Variants in ATL2 observed in about 807,000 individuals in gnomAD.
ATL2 encodes the protein atlastin-2.
Under a neutral mutation model 73.9 loss-of-function variants are expected in ATL2, and 31 were observed. That is an observed-to-expected ratio of 0.42 (90% CI 0.32 to 0.57). The LOEUF is 0.57. ATL2 is among the 20% of genes least tolerant of loss of function. ATL2 has a pLI of 0.14. For missense variants in ATL2, 738 were observed against 702.6 expected, an observed-to-expected ratio of 1.05 and a Z score of -0.57; for synonymous variants, 291 against 237.5, an observed-to-expected ratio of 1.23 and a Z score of -2.07.
chr2:38,313,287 A>T, intron 6 of ATL2, 44 bp from the exon 7 acceptor site: 1 of 1,422,832 alleles, frequency 7.0e-7, no homozygotes, highest in Non-Finnish European at 9.6e-7. Context: ...ACAATAAAGA[A>T]AATTTACGAA....
chr2:38,351,306 T>C (rs984572687), intron 1 of ATL2, among the ~76,000 whole-genome samples: 3 of 152,146 alleles, frequency 2.0e-5, no homozygotes, highest in Non-Finnish European at 2.9e-5. Context: ...GGTTATACGA[T>C]GGTTAAATAT....
intron 1 of ATL2, among the ~76,000 whole-genome samples, chr2:38,348,681 TTAAAC>T (rs1250334650): frequency 6.7e-6 from 1 of 148,768 alleles, no homozygotes; most frequent in Non-Finnish European, 1.5e-5. Context: ...TGGTATCTAA[TTAAAC>T]TAAAGAGCTT....
At chr2:38,318,512 C>A in intron 4 of ATL2, 23 bp downstream of exon 4, 1 of 1,516,290 alleles carries the variant, frequency 6.6e-7, no homozygotes, top group East Asian at 2.3e-5. Context: ...GAACTGATCG[C>A]ACCACTTAAT....
At chr2:38,357,635 G>T (rs1343785828) in intron 1 of ATL2, among the ~76,000 whole-genome samples, 1 of 116,728 alleles carries the variant, frequency 8.6e-6, no homozygotes, top group Non-Finnish European at 1.6e-5. Flanking sequence ...CTGCGTGACA[G>T]AGCAAGACTC....
At chr2:38,303,742 T>C (rs1428208962) in intron 9 of ATL2, among the ~76,000 whole-genome samples, 3 of 152,044 alleles carry the variant, frequency 2.0e-5, no homozygotes, top group Non-Finnish European at 4.4e-5. Flanking sequence ...GATACCAATA[T>C]TTAAGAACAA....
intron 1 of ATL2, among the ~76,000 whole-genome samples, chr2:38,347,407 T>G (rs1335197462): frequency 1.3e-5 from 2 of 152,228 alleles, no homozygotes; most frequent in East Asian, 3.8e-4. Context: ...GAAATTCACA[T>G]GGCTTATGTC....
chr2:38,346,607 T>G (rs1670028742), intron 1 of ATL2, among the ~76,000 whole-genome samples: 1 of 152,208 alleles, frequency 6.6e-6, no homozygotes. Flanking sequence ...AGGCATTAGT[T>G]AGATTCTCAT....
At chr2:38,326,586 G>A (rs908905854) in intron 2 of ATL2, among the ~76,000 whole-genome samples, 3 of 152,160 alleles carry the variant, frequency 2.0e-5, no homozygotes, top group Admixed American at 6.5e-5. Flanking sequence ...ATATATTATA[G>A]CCTAGCTGCA....
intron 2 of ATL2, among the ~76,000 whole-genome samples, chr2:38,341,511 G>A (rs558309575): frequency 4.3e-4 from 65 of 152,134 alleles, no homozygotes; most frequent in African/African-American, 1.6e-3. Flanking sequence ...TGTGGTGCAT[G>A]CCTGTAGTGC....
At chr2:38,339,476 G>T (rs1243439297) in intron 2 of ATL2, among the ~76,000 whole-genome samples, 2 of 151,992 alleles carry the variant, frequency 1.3e-5, no homozygotes, top group East Asian at 3.9e-4. Context: ...CTAGGTAAAG[G>T]ATTCAGGTAT....
rs763429557 is a variant in ATL2, at chr2:38,318,969, T to C, written c.414A>G (p.Thr138=). The C allele has an allele frequency of 1.5e-5, 25 of 1,613,938 alleles. No individual in the cohort carries two copies. Among genetic ancestry groups the C allele is most frequent in the Middle Eastern group, 1.6e-4 (1 of 6,084 alleles). ...TTTCTCTTTCACAGCCACCTCGCCATGTAAAGCCTGTCAATGGTTCATTGT... is the reference window on the plus strand; with the variant it reads ...TTTCTCTTTCACAGCCACCTCGCCACGTAAAGCCTGTCAATGGTTCATTGT... ...GGNNEPLTGF[T]WRGGCERETT... The change falls in exon 3 of 13, where the codon ACA becomes ACG. Residue 138 remains threonine, a synonymous_variant. Transcript: ENST00000378954.
intron 1 of ATL2, among the ~76,000 whole-genome samples, chr2:38,368,942 A>C (rs1201050405): frequency 6.6e-6 from 1 of 152,140 alleles, no homozygotes; most frequent in African/African-American, 2.4e-5. Flanking sequence ...AAATAAACTA[A>C]TTCACATTTT....
chr2:38,347,631 C>A (rs2124424341), intron 1 of ATL2, among the ~76,000 whole-genome samples: 1 of 152,200 alleles, frequency 6.6e-6, no homozygotes. Flanking sequence ...AAGTAAGGAT[C>A]CCAATCACCC....
intron 2 of ATL2, among the ~76,000 whole-genome samples, chr2:38,325,667 CACACACACACA>C (rs1668579443): frequency 4.6e-5 from 2 of 43,474 alleles, no homozygotes; most frequent in African/African-American, 5.3e-4. Context: ...CCAGTACACA[CACACACACACA>C]CACACACACA....
chr2:38,335,799 T>C (rs1244686015), intron 2 of ATL2, among the ~76,000 whole-genome samples: 1 of 152,134 alleles, frequency 6.6e-6, no homozygotes, highest in Non-Finnish European at 1.5e-5. Flanking sequence ...CCCAGCACTT[T>C]GGGAGGCTGA....
At chr2:38,300,932 A>C (rs1667154482) in intron 9 of ATL2, among the ~76,000 whole-genome samples, 1 of 151,480 alleles carries the variant, frequency 6.6e-6, no homozygotes. Flanking sequence ...GGAAAAGATA[A>C]GAGTTTGTTA....
At chr2:38,326,469 G>C (rs544906369) in intron 2 of ATL2, among the ~76,000 whole-genome samples, 4 of 152,224 alleles carry the variant, frequency 2.6e-5, no homozygotes, top group Non-Finnish European at 5.9e-5. Flanking sequence ...GCAAACAACA[G>C]AACCAGACTC....
At chr2:38,325,008 C>T (rs1209624491) in intron 2 of ATL2, among the ~76,000 whole-genome samples, 2 of 152,164 alleles carry the variant, frequency 1.3e-5, no homozygotes, top group Non-Finnish European at 2.9e-5. Flanking sequence ...CTGAAGTGTA[C>T]ACTTACAAAT....
chr2:38,340,907 C>T (rs1669674562), intron 2 of ATL2, among the ~76,000 whole-genome samples: 1 of 152,214 alleles, frequency 6.6e-6, no homozygotes, highest in Admixed American at 6.5e-5. Flanking sequence ...AGATGTATAA[C>T]CTCACTCAAG....
Sources: gnomAD v4.1 joint callset for allele counts (sites outside exome capture counted in the v4.1 genomes callset) on GRCh38, gnomAD v4.1.1 for gene constraint, MANE v1.5 for transcripts, NCBI Gene and HGNC (gene_info 2026-07-23, HGNC 2026-07-21) for gene names.